The following ERC2 variants were observed in gnomAD, a reference collection of about 807,000 sequenced individuals.
ERC2 encodes ELKS/RAB6-interacting/CAST family member 2.
ERC2 carries 42 observed loss-of-function variants against 114.8 expected under a neutral mutation model. The ratio of observed to expected loss-of-function variants is 0.37; its 90% CI spans 0.29 to 0.47. The LOEUF is 0.47. ERC2 is among the 20% of genes least tolerant of loss of function. ERC2 has a pLI of 0.99. For missense variants in ERC2, 939 were observed against 1,150.7 expected (o/e 0.82, Z 2.66); for synonymous variants, 454 against 425.5 (o/e 1.07, Z -0.82).
chr3:56,419,366 A>G (rs2061298832), intron 2 of ERC2, among the ~76,000 whole-genome samples: 1 of 152,230 alleles, frequency 6.6e-6, no homozygotes, highest in Admixed American at 6.5e-5. Context: ...TAATGAATGG[A>G]AAGTCCTTAA....
chr3:56,038,656 C>T (rs1049019903), intron 7 of ERC2, among the ~76,000 whole-genome samples: 7 of 152,158 alleles, frequency 4.6e-5, no homozygotes, highest in African/African-American at 1.4e-4. Flanking sequence ...CAGCACTATT[C>T]GCAATAGCAA....
At chr3:55,596,200 G>C (rs1280793269) in intron 17 of ERC2, among the ~76,000 whole-genome samples, 1 of 152,144 alleles carries the variant, frequency 6.6e-6, no homozygotes, top group Non-Finnish European at 1.5e-5. Flanking sequence ...GGGAACAAAA[G>C]AACCATAATA....
chr3:55,864,427 A>G (rs894459623), intron 14 of ERC2, among the ~76,000 whole-genome samples: 3 of 151,980 alleles, frequency 2.0e-5, no homozygotes, highest in Non-Finnish European at 4.4e-5. Flanking sequence ...GAGATTCAGA[A>G]CTAGGCATAT....
intron 17 of ERC2, chr3:55,647,142 C>T (rs892946714): frequency 1.3e-5 from 2 of 151,396 alleles, no homozygotes; most frequent in African/African-American, 4.9e-5. Flanking sequence ...GTAGGTTCCT[C>T]TGCTGGCAGT....
At chr3:55,871,668 T>A (rs1204342118) in intron 14 of ERC2, among the ~76,000 whole-genome samples, 1 of 152,212 alleles carries the variant, frequency 6.6e-6, no homozygotes, top group African/African-American at 2.4e-5. Flanking sequence ...GAAGATGTAA[T>A]TATGTCAACC....
intron 16 of ERC2, among the ~76,000 whole-genome samples, chr3:55,693,870 G>A (rs774769724): frequency 1.3e-4 from 20 of 151,940 alleles, no homozygotes; most frequent in Middle Eastern, 3.4e-3. Flanking sequence ...CACCACACCC[G>A]GCTAATTTTT....
At chr3:55,624,391 C>T (rs1170262037) in intron 17 of ERC2, among the ~76,000 whole-genome samples, 1 of 152,084 alleles carries the variant, frequency 6.6e-6, no homozygotes, top group Non-Finnish European at 1.5e-5. Context: ...GGGAGGGACA[C>T]AGAGAACGTG....
chr3:55,638,192 C>T (rs1347472062), intron 17 of ERC2, among the ~76,000 whole-genome samples: 1 of 152,232 alleles, frequency 6.6e-6, no homozygotes, highest in Non-Finnish European at 1.5e-5. Flanking sequence ...AAACTGCCCT[C>T]ACCTATAAAA....
At chr3:56,167,843 AT>A (rs572427098) in intron 4 of ERC2, among the ~76,000 whole-genome samples, 31 of 152,234 alleles carry the variant, frequency 2.0e-4, no homozygotes, top group Non-Finnish European at 4.3e-4. Context: ...TAATGTACAT[AT>A]TTGGAGCCCT....
chr3:55,858,048 A>AT (rs1373138372), intron 14 of ERC2, among the ~76,000 whole-genome samples: 1 of 152,138 alleles, frequency 6.6e-6, no homozygotes, highest in Admixed American at 6.6e-5. Context: ...AAGAGCAGTA[A>AT]TTTTTTTCTC....
chr3:55,551,040 G>T (rs1018046709), intron 17 of ERC2, among the ~76,000 whole-genome samples: 24 of 148,148 alleles, frequency 1.6e-4, no homozygotes, highest in Admixed American at 9.4e-4. Flanking sequence ...AAGAAAGAAA[G>T]AAATAACATG....
chr3:55,572,404 A>G (rs577814583), intron 17 of ERC2, among the ~76,000 whole-genome samples: 50 of 152,298 alleles, frequency 3.3e-4, no homozygotes, highest in African/African-American at 1.1e-3. Flanking sequence ...AATCCTCAAT[A>G]TCATCTCCCA....
chr3:55,857,451 T>C (rs1377003970), intron 14 of ERC2, among the ~76,000 whole-genome samples: 3 of 152,216 alleles, frequency 2.0e-5, no homozygotes, highest in African/African-American at 7.2e-5. Flanking sequence ...TTAACCATTT[T>C]TAAATATACA....
At chr3:56,254,984 T>C (rs1289820683) in intron 3 of ERC2, among the ~76,000 whole-genome samples, 1 of 152,258 alleles carries the variant, frequency 6.6e-6, no homozygotes, top group Non-Finnish European at 1.5e-5. Flanking sequence ...CCAAATATAA[T>C]GTTTTATTTG....
intron 13 of ERC2, among the ~76,000 whole-genome samples, chr3:55,941,661 T>C (rs564670171): frequency 1.3e-5 from 2 of 152,330 alleles, no homozygotes; most frequent in South Asian, 4.1e-4. Flanking sequence ...AAGCAGCTAT[T>C]ATTCTTTTGG....
intron 3 of ERC2, chr3:56,185,065 A>C (rs551889602): frequency 5.9e-5 from 9 of 152,338 alleles, no homozygotes; most frequent in African/African-American, 2.2e-4. Context: ...AGTTTTTCTT[A>C]CTAAAGAATC....
rs543433305 is a variant in ERC2, at chr3:56,261,809, G to A, written c.1074+34210C>T. Among the ~76,000 whole-genome samples the A allele has an allele frequency of 3.7e-3, 570 of 152,142 alleles. 5 individuals carry two copies. The highest frequency in any genetic ancestry group is 0.013 in the African/African-American group (543 of 41,508). ...TTGTTGTACAGATTATTTCATTACT[G>A]AGGTATTACGTCTAGTATCCATTAT... On this transcript the variant is annotated intron_variant, in intron 3 of 17. Transcript: ENST00000288221.
chr3:56,124,298 C>A (rs2079754349), intron 6 of ERC2, among the ~76,000 whole-genome samples: 1 of 152,156 alleles, frequency 6.6e-6, no homozygotes, highest in Admixed American at 6.5e-5. Context: ...TATAAGGCAT[C>A]AGTTTGCCAG....
chr3:55,870,115 C>G (rs1263521823), intron 14 of ERC2, among the ~76,000 whole-genome samples: 1 of 151,892 alleles, frequency 6.6e-6, no homozygotes, highest in East Asian at 1.9e-4. Context: ...CACTCTGTCA[C>G]CCAGGCTGGA....
Sources: gnomAD v4.1 joint callset for allele counts (sites outside exome capture counted in the v4.1 genomes callset) on GRCh38, gnomAD v4.1.1 for gene constraint, MANE v1.5 for transcripts, NCBI Gene and HGNC (gene_info 2026-07-23, HGNC 2026-07-21) for gene names.